HSD17B2: variants seen among roughly 807,000 people sequenced by gnomAD.
HSD17B2 encodes hydroxysteroid 17-beta dehydrogenase 2.
A neutral mutation model predicts 26.9 loss-of-function variants in HSD17B2; 32 were observed. The ratio of observed to expected loss-of-function variants is 1.19; its 90% CI spans 0.90 to 1.60. HSD17B2 has a LOEUF of 1.60. Ranked by LOEUF, HSD17B2 falls within the 40% of genes most tolerant of loss-of-function variation. The pLI, the probability that HSD17B2 is intolerant of heterozygous loss-of-function variation, is 0.00. For synonymous variants in HSD17B2, 246 were observed against 186.7 expected (o/e 1.32, Z -2.59); for missense variants, 613 against 468.6 (o/e 1.31, Z -2.85).
chr16:82,058,140 T>C (rs1040332938), intron 1 of HSD17B2, among the ~76,000 whole-genome samples: 10 of 151,666 alleles, frequency 6.6e-5, no homozygotes, highest in African/African-American at 2.2e-4. Context: ...AGTATGAGCA[T>C]GCTCACTGCA....
chr16:82,069,122 T>A (rs986578705), intron 2 of HSD17B2, among the ~76,000 whole-genome samples: 8 of 152,156 alleles, frequency 5.3e-5, no homozygotes, highest in African/African-American at 1.9e-4. Context: ...CGTCCATGTG[T>A]TCTCACTGTT....
intron 3 of HSD17B2, among the ~76,000 whole-genome samples, chr16:82,078,911 T>C (rs1904319565): frequency 1.3e-5 from 2 of 152,192 alleles, no homozygotes; most frequent in Admixed American, 6.5e-5. Context: ...GAAGTAGGAA[T>C]GGTTAATGGG....
intron 3 of HSD17B2, among the ~76,000 whole-genome samples, chr16:82,089,041 C>A (rs1260458621): frequency 1.3e-5 from 2 of 152,122 alleles, no homozygotes; most frequent in Non-Finnish European, 2.9e-5. Context: ...GACTTAATTA[C>A]CTTCCAAAGG....
chr16:82,045,858 T>G (rs1419374500), intron 1 of HSD17B2, among the ~76,000 whole-genome samples: 1 of 152,248 alleles, frequency 6.6e-6, no homozygotes, highest in Non-Finnish European at 1.5e-5. Context: ...CACTCTAGCC[T>G]CTTGTGTTTT....
intron 3 of HSD17B2, among the ~76,000 whole-genome samples, chr16:82,076,166 G>C (rs899191494): frequency 6.6e-6 from 1 of 151,882 alleles, no homozygotes; most frequent in African/African-American, 2.4e-5. Flanking sequence ...AAAAGCATCT[G>C]ATAAAATTCA....
intron 3 of HSD17B2, among the ~76,000 whole-genome samples, chr16:82,074,615 A>G (rs1394138775): frequency 1.3e-5 from 2 of 152,246 alleles, no homozygotes; most frequent in East Asian, 1.9e-4. Context: ...AGGTCATTAT[A>G]TAGTCATAAA....
intron 1 of HSD17B2, among the ~76,000 whole-genome samples, chr16:82,059,591 G>A (rs963044146): frequency 3.3e-5 from 5 of 152,164 alleles, no homozygotes. Context: ...GCGTCATGAA[G>A]CCAGGGAGTA....
intron 1 of HSD17B2, among the ~76,000 whole-genome samples, chr16:82,043,198 T>G (rs1913814572): frequency 6.6e-6 from 1 of 152,146 alleles, no homozygotes; most frequent in Admixed American, 6.5e-5. Context: ...GTGGAGCACA[T>G]AGAGCTTTGA....
intron 4 of HSD17B2, chr16:82,092,285 A>G (rs2142367766): frequency 6.6e-6 from 1 of 152,152 alleles, no homozygotes; most frequent in Middle Eastern, 3.4e-3. Flanking sequence ...CCACCCCAAG[A>G]GGAGAAGGCC....
At chr16:82,068,035 A>G (rs1914611911) in intron 1 of HSD17B2, 135 bp from the exon 2 acceptor site, 1 of 751,460 alleles carries the variant, frequency 1.3e-6, no homozygotes, top group Non-Finnish European at 2.2e-6. Context: ...CTTAGAACAT[A>G]AAGAAACTTC....
chr16:82,094,566 G>C (rs192495836), intron 4 of HSD17B2: 1 of 152,258 alleles, frequency 6.6e-6, no homozygotes, highest in East Asian at 1.9e-4. Flanking sequence ...CTGCCCCCCA[G>C]TTTAAAGCTA....
chr16:82,079,756 A>G (rs566502357), intron 3 of HSD17B2, among the ~76,000 whole-genome samples: 2 of 152,356 alleles, frequency 1.3e-5, no homozygotes, highest in African/African-American at 4.8e-5. Context: ...AGAATGTAAC[A>G]CAAGGATTAG....
At chr16:82,044,683 T>C (rs892995302) in intron 1 of HSD17B2, 1 of 152,264 alleles carries the variant, frequency 6.6e-6, no homozygotes, top group African/African-American at 2.4e-5. Context: ...ACCAATCAGA[T>C]ACTTTGCTCC....
chr16:82,065,810 C>T (rs774503621), intron 1 of HSD17B2, among the ~76,000 whole-genome samples: 1 of 152,196 alleles, frequency 6.6e-6, no homozygotes, highest in Non-Finnish European at 1.5e-5. Flanking sequence ...GAGTCCAGGT[C>T]GATCCCTACC....
intron 4 of HSD17B2, chr16:82,094,367 A>G (rs1904777960): frequency 6.6e-6 from 1 of 152,140 alleles, no homozygotes; most frequent in Non-Finnish European, 1.5e-5. Context: ...TACCCTTTCT[A>G]TGTATACTCC....
Position 82,035,376 on chromosome 16 carries a change from G to C in HSD17B2, c.-49G>C, listed in dbSNP as rs373474891. The stretch of plus-strand genomic sequence containing the variant: ...GGCTGCCTCCAGCCAGCCTTTGCCC[G>C]CTAGACTCACTGGCCCTGAGCACTT... On this transcript the variant is annotated 5_prime_UTR_variant, in exon 1 of 5. Transcript: ENST00000199936. 4 of 1,570,612 alleles carry C rather than the reference G, an allele frequency of 2.5e-6. No individual in the cohort carries two copies. Among genetic ancestry groups the C allele is most frequent in the South Asian group, 1.2e-5 (1 of 84,412 alleles).
intron 3 of HSD17B2, among the ~76,000 whole-genome samples, chr16:82,090,510 A>C (rs1904660576): frequency 6.6e-6 from 1 of 151,510 alleles, no homozygotes; most frequent in African/African-American, 2.4e-5. Flanking sequence ...GTAGAGACGG[A>C]GCTTCACCAT....
intron 1 of HSD17B2, among the ~76,000 whole-genome samples, chr16:82,057,188 C>A (rs1344666691): frequency 1.3e-5 from 2 of 151,574 alleles, no homozygotes; most frequent in African/African-American, 4.9e-5. Flanking sequence ...TAACTCCCCA[C>A]TTTCTCTTTT....
At chr16:82,035,795 A>C in intron 1 of HSD17B2, 106 bp downstream of exon 1, 1 of 1,155,236 alleles carries the variant, frequency 8.7e-7, no homozygotes, top group Non-Finnish European at 1.2e-6. Context: ...CTTGGCATGG[A>C]GTAAATGAAA....
Sources: allele counts gnomAD v4.1 joint callset (sites outside exome capture counted in the v4.1 genomes callset), GRCh38; gene constraint gnomAD v4.1.1; transcripts MANE v1.5; gene names NCBI Gene and HGNC (gene_info 2026-07-23, HGNC 2026-07-21).